TSPEAR: variants seen among roughly 807,000 people sequenced by gnomAD.
TSPEAR encodes the protein thrombospondin-type laminin G domain and EAR repeat-containing protein.
Under a neutral mutation model 71.6 loss-of-function variants are expected in TSPEAR, and 69 were observed. The ratio of observed to expected loss-of-function variants is 0.96; its 90% CI spans 0.79 to 1.18. TSPEAR has a LOEUF of 1.18. Ranked by LOEUF, TSPEAR falls within the 50% of genes most tolerant of loss-of-function variation. The pLI is 0.00. For synonymous variants in TSPEAR, 402 were observed against 387.2 expected (o/e 1.04, Z -0.45); for missense variants, 971 against 894.9 (o/e 1.09, Z -1.09).
At chr21:44,559,234 G>C (rs1569186342) in intron 2 of TSPEAR, among the ~76,000 whole-genome samples, 1 of 151,766 alleles carries the variant, frequency 6.6e-6, no homozygotes, top group Non-Finnish European at 1.5e-5. Context: ...ATGCTCAGTT[G>C]GCCTGGCCAC....
intron 1 of TSPEAR, chr21:44,647,073 G>T (rs1231094269): frequency 2.5e-6 from 4 of 1,613,558 alleles, no homozygotes; most frequent in African/African-American, 2.7e-5. Context: ...TCTGCTGTGT[G>T]CCTGTCTGCT....
chr21:44,533,148 C>T (rs1282463978), intron 3 of TSPEAR, among the ~76,000 whole-genome samples: 3 of 152,196 alleles, frequency 2.0e-5, no homozygotes, highest in Admixed American at 6.5e-5. Context: ...GTGTTTAAGG[C>T]GTGGAGAAAC....
intron 1 of TSPEAR, among the ~76,000 whole-genome samples, chr21:44,606,946 C>CTACT (rs1555929950): frequency 6.6e-6 from 1 of 152,138 alleles, no homozygotes; most frequent in Non-Finnish European, 1.5e-5. Flanking sequence ...CTTTAGTGAC[C>CTACT]TACTGCATTG....
At chr21:44,707,585 G>A (rs1987998959) in intron 1 of TSPEAR, among the ~76,000 whole-genome samples, 1 of 152,158 alleles carries the variant, frequency 6.6e-6, no homozygotes, top group African/African-American at 2.4e-5. Context: ...GATGACCATG[G>A]GGGCGGAGCG....
chr21:44,528,420 A>T, intron 6 of TSPEAR, 32 bp downstream of exon 6: 1 of 1,612,638 alleles, frequency 6.2e-7, no homozygotes, highest in Non-Finnish European at 8.5e-7. Context: ...GTGGCCCTGC[A>T]TGCCAACGCC....
At chr21:44,640,158 C>T (rs1165750310) in intron 1 of TSPEAR, among the ~76,000 whole-genome samples, 1 of 152,172 alleles carries the variant, frequency 6.6e-6, no homozygotes, top group Non-Finnish European at 1.5e-5. Flanking sequence ...GATGAATGGA[C>T]AAGCAAAACA....
At chr21:44,571,004 TAC>T (rs1296911412) in intron 1 of TSPEAR, among the ~76,000 whole-genome samples, 4 of 152,270 alleles carry the variant, frequency 2.6e-5, no homozygotes, top group South Asian at 2.1e-4. Flanking sequence ...ACAGAAAAAC[TAC>T]AGTTTCCTGG....
intron 1 of TSPEAR, chr21:44,697,107 C>T (rs1321654250): frequency 1.9e-6 from 3 of 1,556,760 alleles, no homozygotes; most frequent in Non-Finnish European, 8.7e-7. Context: ...AGCACCCAGA[C>T]ACTCACTCAC....
chr21:44,521,204 T>C (rs2145959326), intron 9 of TSPEAR, among the ~76,000 whole-genome samples: 1 of 152,306 alleles, frequency 6.6e-6, no homozygotes, highest in East Asian at 1.9e-4. Flanking sequence ...TCCGGGGAAC[T>C]GGGCTCACAT....
chr21:44,570,018 G>A (rs1251869096), intron 1 of TSPEAR, among the ~76,000 whole-genome samples: 1 of 152,150 alleles, frequency 6.6e-6, no homozygotes, highest in African/African-American at 2.4e-5. Flanking sequence ...CCTCCCCCCA[G>A]TCTCAGAGAG....
intron 1 of TSPEAR, among the ~76,000 whole-genome samples, chr21:44,704,006 G>A (rs932674806): frequency 6.6e-6 from 1 of 152,198 alleles, no homozygotes; most frequent in Non-Finnish European, 1.5e-5. Context: ...AGGACCCTTA[G>A]TGCAGGTCTA....
At chr21:44,533,199 C>T in intron 3 of TSPEAR, among the ~76,000 whole-genome samples, 1 of 152,222 alleles carries the variant, frequency 6.6e-6, no homozygotes, top group South Asian at 2.1e-4. Context: ...TTCATAAACG[C>T]TCCGCGGGAG....
chr21:44,603,063 GAC>G (rs1289296749), intron 1 of TSPEAR, among the ~76,000 whole-genome samples: 1 of 42,636 alleles, frequency 2.3e-5, no homozygotes, highest in Non-Finnish European at 1.2e-4. Flanking sequence ...AGGGGGTGGA[GAC>G]AGAGAAGGAG....
chr21:44,521,119 G>C (rs2052725103), intron 9 of TSPEAR, among the ~76,000 whole-genome samples: 1 of 152,226 alleles, frequency 6.6e-6, no homozygotes, highest in Non-Finnish European at 1.5e-5. Context: ...GGGAGGTGAT[G>C]TCTTATGAGA....
At chr21:44,545,191 G>A (rs896472345) in intron 2 of TSPEAR, among the ~76,000 whole-genome samples, 13 of 152,094 alleles carry the variant, frequency 8.5e-5, no homozygotes, top group African/African-American at 2.2e-4. Context: ...GGTGGCAGCC[G>A]CCTGTAGTCC....
chr21:44,518,870 A>G (rs1162282340), intron 9 of TSPEAR: 2 of 357,536 alleles, frequency 5.6e-6, no homozygotes, highest in Non-Finnish European at 1.1e-5. Flanking sequence ...GCGCACGTTC[A>G]TGTCAGGGCA....
intron 1 of TSPEAR, among the ~76,000 whole-genome samples, chr21:44,598,238 AT>A (rs1980501859): frequency 6.6e-6 from 1 of 152,192 alleles, no homozygotes; most frequent in South Asian, 2.1e-4. Context: ...CGTCTCTCCC[AT>A]TATGCATCCA....
At chr21:44,515,549 T>TC (rs1411996067) in intron 9 of TSPEAR, 1 of 152,356 alleles carries the variant, frequency 6.6e-6, no homozygotes, top group African/African-American at 2.4e-5. Flanking sequence ...GCCCAGACCC[T>TC]CCCCTTGGTT....
At chr21:44,528,243 G>A (rs1555915215) in intron 6 of TSPEAR, among the ~76,000 whole-genome samples, 1 of 152,184 alleles carries the variant, frequency 6.6e-6, no homozygotes, top group Non-Finnish European at 1.5e-5. Context: ...TGAGTCCTGT[G>A]GCTCTAGGGA....
Sources: gnomAD v4.1 joint callset for allele counts (sites outside exome capture counted in the v4.1 genomes callset) on GRCh38, gnomAD v4.1.1 for gene constraint, MANE v1.5 for transcripts, NCBI Gene and HGNC (gene_info 2026-07-23, HGNC 2026-07-21) for gene names.